LUZP2: variants seen among roughly 807,000 people sequenced by gnomAD.
The protein encoded by LUZP2 is leucine zipper protein 2.
In LUZP2, 52 loss-of-function variants were observed where a neutral mutation model predicts 51.6. The observed-to-expected ratio is 1.01, with a 90% CI of 0.81 to 1.27. The LOEUF is 1.27. Among genes scored for constraint, LUZP2 ranks in the 50% most tolerant of loss-of-function variants. LUZP2 has a pLI of 0.00. For missense variants in LUZP2, 436 were observed against 395.4 expected, an observed-to-expected ratio of 1.10 and a Z score of -0.87; for synonymous variants, 154 against 137.3, an observed-to-expected ratio of 1.12 and a Z score of -0.85.
At chr11:24,976,706 C>CAAAAAAAAAAAAAAAAAAA (rs57265111) in intron 8 of LUZP2, 41 bp downstream of exon 8, 2 of 298,466 alleles carry the variant, frequency 6.7e-6, no homozygotes, top group Non-Finnish European at 5.3e-6. Flanking sequence ...GTAGTTTTAG[C>CAAAAAAAAAAAAAAAAAAA]AAAAAAAAAA....
At chr11:24,905,389 A>G (rs548577577) in intron 5 of LUZP2, among the ~76,000 whole-genome samples, 4 of 152,074 alleles carry the variant, frequency 2.6e-5, no homozygotes, top group Non-Finnish European at 5.9e-5. Context: ...TTAGCCAGGC[A>G]TGGTGGTGCA....
intron 5 of LUZP2, among the ~76,000 whole-genome samples, chr11:24,787,453 G>A (rs1456364551): frequency 1.3e-5 from 2 of 152,046 alleles, no homozygotes; most frequent in Non-Finnish European, 2.9e-5. Context: ...CTATAATGAC[G>A]ATAATTATTA....
chr11:24,907,810 T>G (rs1455897588), intron 6 of LUZP2, among the ~76,000 whole-genome samples: 1 of 152,182 alleles, frequency 6.6e-6, no homozygotes, highest in Admixed American at 6.5e-5. Flanking sequence ...TAATTCGTAT[T>G]TTTTCTTCAT....
chr11:25,025,175 C>T (rs1291534660), intron 9 of LUZP2, among the ~76,000 whole-genome samples: 2 of 152,036 alleles, frequency 1.3e-5, no homozygotes, highest in Non-Finnish European at 2.9e-5. Context: ...CAATGTTAGA[C>T]CTAAAACCAT....
intron 5 of LUZP2, among the ~76,000 whole-genome samples, chr11:24,793,967 A>C (rs2134100631): frequency 6.6e-6 from 1 of 152,262 alleles, no homozygotes; most frequent in African/African-American, 2.4e-5. Flanking sequence ...AAAGTCAGAA[A>C]AGTAATCTTT....
rs1000588104 is a variant in LUZP2, at chr11:25,066,869, C to A, written c.859-10460C>A. ...TCATGAAAAATTGTTTACAGCTTAC[C>A]CACAAAAGGTTGTCTGTTTCTATCA... On this transcript the variant is annotated intron_variant, in intron 10 of 11. Transcript: ENST00000336930. 2.0e-5 allele frequency among the ~76,000 whole-genome samples: 3 copies of A among 151,972 alleles called. No homozygotes were observed. In the East Asian group the frequency reaches 5.8e-4, roughly 29 times the overall value.
At chr11:24,901,282 A>G (rs77011879) in intron 5 of LUZP2, among the ~76,000 whole-genome samples, 5,081 of 151,982 alleles carry the variant, frequency 0.033, 271 homozygotes, top group African/African-American at 0.11. Context: ...TTGATTTTTG[A>G]CAAAGGCACT....
At chr11:24,670,608 T>C (rs1856374111) in intron 1 of LUZP2, among the ~76,000 whole-genome samples, 1 of 151,988 alleles carries the variant, frequency 6.6e-6, no homozygotes, top group Admixed American at 6.6e-5. Context: ...CATATTTATC[T>C]TGGGACAGAT....
At chr11:24,830,550 A>G (rs1353408133) in intron 5 of LUZP2, among the ~76,000 whole-genome samples, 1 of 152,232 alleles carries the variant, frequency 6.6e-6, no homozygotes, top group Admixed American at 6.5e-5. Flanking sequence ...TATGGATAGA[A>G]AGCCTATTAA....
At chr11:24,959,781 A>G (rs913494879) in intron 7 of LUZP2, among the ~76,000 whole-genome samples, 1 of 152,124 alleles carries the variant, frequency 6.6e-6, no homozygotes, top group Non-Finnish European at 1.5e-5. Flanking sequence ...AGAACTTCCA[A>G]TACTATGTTG....
intron 1 of LUZP2, among the ~76,000 whole-genome samples, chr11:24,532,262 T>TA (rs199992591): frequency 1.8e-4 from 27 of 148,568 alleles, no homozygotes; most frequent in Non-Finnish European, 3.4e-4. Flanking sequence ...ATTACAAATT[T>TA]AAAAAAATAA....
At chr11:24,821,504 AT>A (rs1335854428) in intron 5 of LUZP2, among the ~76,000 whole-genome samples, 1 of 152,066 alleles carries the variant, frequency 6.6e-6, no homozygotes, top group Non-Finnish European at 1.5e-5. Flanking sequence ...TGAGCTTTAT[AT>A]TACCTTCTTA....
intron 1 of LUZP2, among the ~76,000 whole-genome samples, chr11:24,577,148 A>G (rs1274640561): frequency 6.6e-6 from 1 of 151,692 alleles, no homozygotes; most frequent in African/African-American, 2.4e-5. Flanking sequence ...GTTTATCTGA[A>G]AAAAAAATCA....
intron 4 of LUZP2, among the ~76,000 whole-genome samples, chr11:24,760,513 T>C (rs1859942139): frequency 6.6e-6 from 1 of 152,160 alleles, no homozygotes; most frequent in African/African-American, 2.4e-5. Flanking sequence ...CAAGATTACT[T>C]TGAAAATTAA....
At chr11:24,713,981 C>A (rs543252110) in intron 1 of LUZP2, among the ~76,000 whole-genome samples, 56 of 148,368 alleles carry the variant, frequency 3.8e-4, no homozygotes, top group African/African-American at 1.4e-3. Flanking sequence ...CAGGCATGAG[C>A]CACCATGCCT....
chr11:24,982,060 A>G (rs539122918), intron 8 of LUZP2, among the ~76,000 whole-genome samples: 18 of 152,110 alleles, frequency 1.2e-4, no homozygotes, highest in South Asian at 6.2e-4. Context: ...TCACAATGAG[A>G]TACTATCTCA....
intron 1 of LUZP2, among the ~76,000 whole-genome samples, chr11:24,501,309 G>A (rs527678346): frequency 6.6e-6 from 1 of 152,270 alleles, no homozygotes; most frequent in Admixed American, 6.5e-5. Context: ...GATTATCTTT[G>A]TGGATTAAAT....
chr11:24,554,982 C>T (rs898695812), intron 1 of LUZP2, among the ~76,000 whole-genome samples: 1 of 152,078 alleles, frequency 6.6e-6, no homozygotes, highest in Admixed American at 6.6e-5. Context: ...GGCATGAAGG[C>T]ATGAAGTACT....
intron 5 of LUZP2, among the ~76,000 whole-genome samples, chr11:24,838,845 T>C (rs941564461): frequency 2.0e-5 from 3 of 151,660 alleles, no homozygotes; most frequent in Non-Finnish European, 4.4e-5. Flanking sequence ...TAAAGAAATG[T>C]TTTTTATACA....
Sources: gnomAD v4.1 joint callset for allele counts (sites outside exome capture counted in the v4.1 genomes callset) on GRCh38, gnomAD v4.1.1 for gene constraint, MANE v1.5 for transcripts, NCBI Gene and HGNC (gene_info 2026-07-23, HGNC 2026-07-21) for gene names.